GRIK2: variants seen among roughly 807,000 people sequenced by gnomAD.
GRIK2 encodes the protein glutamate receptor ionotropic, kainate 2.
A neutral mutation model predicts 100.3 loss-of-function variants in GRIK2; 32 were observed. The ratio of observed to expected loss-of-function variants is 0.32; its 90% CI spans 0.24 to 0.43. The LOEUF is 0.43. Among genes scored for constraint, GRIK2 ranks in the 20% least tolerant of loss-of-function variants. The pLI is 1.00. For missense variants in GRIK2, 843 were observed against 1,114.9 expected, an observed-to-expected ratio of 0.76 and a Z score of 3.47; for synonymous variants, 417 against 389.4, an observed-to-expected ratio of 1.07 and a Z score of -0.83.
chr6:101,799,277 T>TTG (rs58920833), intron 7 of GRIK2, among the ~76,000 whole-genome samples: 14,910 of 146,530 alleles, frequency 0.1, 1,253 homozygotes, highest in African/African-American at 0.24. Flanking sequence ...AATGTACTCA[T>TTG]TGTGTGTGTG....
chr6:101,501,654 G>A (rs1255353209), intron 2 of GRIK2, among the ~76,000 whole-genome samples: 4 of 152,162 alleles, frequency 2.6e-5, no homozygotes, highest in Admixed American at 6.5e-5. Context: ...TTGTTTTAAA[G>A]TAACAGGATC....
chr6:101,990,739 T>A (rs532819053), intron 14 of GRIK2, among the ~76,000 whole-genome samples: 9 of 151,676 alleles, frequency 5.9e-5, no homozygotes, highest in African/African-American at 2.2e-4. Context: ...ATCACTTTCT[T>A]ATGTCTAAGG....
intron 4 of GRIK2, among the ~76,000 whole-genome samples, chr6:101,667,104 G>A (rs1770087842): frequency 6.6e-6 from 1 of 152,144 alleles, no homozygotes; most frequent in Admixed American, 6.6e-5. Flanking sequence ...GCCACGGGCT[G>A]CCATGCCACT....
At chr6:101,964,900 G>A (rs1792561425) in intron 14 of GRIK2, among the ~76,000 whole-genome samples, 2 of 152,140 alleles carry the variant, frequency 1.3e-5, no homozygotes, top group African/African-American at 4.8e-5. Flanking sequence ...GAGAACATGT[G>A]GCAATTAGCA....
chr6:102,040,452 T>TA (rs927929925), intron 15 of GRIK2, among the ~76,000 whole-genome samples: 33 of 151,702 alleles, frequency 2.2e-4, no homozygotes, highest in African/African-American at 7.2e-4. Flanking sequence ...TAGCCTAAAG[T>TA]AAAAAATGTA....
intron 7 of GRIK2, among the ~76,000 whole-genome samples, chr6:101,776,634 C>T (rs1396589825): frequency 3.9e-5 from 6 of 152,112 alleles, no homozygotes; most frequent in African/African-American, 1.4e-4. Flanking sequence ...AATAGCAGTC[C>T]TTCATTTAAT....
At chr6:102,044,624 G>A (rs1222261519) in intron 15 of GRIK2, among the ~76,000 whole-genome samples, 1 of 151,918 alleles carries the variant, frequency 6.6e-6, no homozygotes, top group African/African-American at 2.4e-5. Flanking sequence ...TGATTCAATT[G>A]TCTCCCACTG....
chr6:101,548,194 G>A (rs1203915544), intron 2 of GRIK2, among the ~76,000 whole-genome samples: 1 of 151,940 alleles, frequency 6.6e-6, no homozygotes, highest in African/African-American at 2.4e-5. Context: ...AAATTTGTTT[G>A]AGTTCTTTGT....
At chr6:101,818,235 G>A in intron 9 of GRIK2, 135 bp from the exon 10 acceptor site, 1 of 589,944 alleles carries the variant, frequency 1.7e-6, no homozygotes, top group South Asian at 2.3e-5. Context: ...CTTTAAACAA[G>A]CTGCCTTTAC....
At chr6:101,663,049 G>A (rs768518661) in intron 4 of GRIK2, among the ~76,000 whole-genome samples, 2 of 152,052 alleles carry the variant, frequency 1.3e-5, no homozygotes, top group Non-Finnish European at 2.9e-5. Flanking sequence ...AAAGAGTTAC[G>A]TTCTACTTGG....
chr6:101,699,290 T>C (rs888965897), intron 7 of GRIK2, among the ~76,000 whole-genome samples: 2 of 152,130 alleles, frequency 1.3e-5, no homozygotes, highest in Admixed American at 1.3e-4. Flanking sequence ...CCTCACATCC[T>C]GTCTGGTCAC....
At chr6:101,682,157 C>G (rs573129687) in intron 5 of GRIK2, among the ~76,000 whole-genome samples, 3 of 152,264 alleles carry the variant, frequency 2.0e-5, no homozygotes, top group African/African-American at 7.2e-5. Flanking sequence ...TTTTGCAGCA[C>G]TTTTTTCCTA....
intron 11 of GRIK2, among the ~76,000 whole-genome samples, chr6:101,883,880 C>A (rs1786435324): frequency 6.6e-6 from 1 of 152,106 alleles, no homozygotes; most frequent in African/African-American, 2.4e-5. Flanking sequence ...CCATATCTTG[C>A]AATGCTTTGT....
At chr6:101,823,862 GT>G (rs11454516) in intron 10 of GRIK2, among the ~76,000 whole-genome samples, 73 of 130,380 alleles carry the variant, frequency 5.6e-4, no homozygotes, top group South Asian at 2.4e-3. Flanking sequence ...AGTAAGTTCT[GT>G]TTTTTTTTTT....
In GRIK2 at chr6:102,019,213, C is replaced by T. The variant is rs1769295348; in HGVS notation, c.2086-16128C>T. ...CTGCCATCTCAAAACTAGTCTTTAA[C>T]ATCTGGTTTGATACCTTCTTAACAT... is the stretch of plus-strand genomic sequence containing the variant. On this transcript the variant is annotated intron_variant, in intron 14 of 16. Coordinates refer to ENST00000369134, the MANE Select transcript of GRIK2 (RefSeq NM_021956.5). Among the ~76,000 whole-genome samples the T allele has an allele frequency of 2.6e-5, 4 of 152,006 alleles. No homozygotes were observed. The South Asian group carries it at 8.3e-4, about 31-fold the overall frequency.
chr6:101,474,586 A>G (rs919422529), intron 2 of GRIK2, among the ~76,000 whole-genome samples: 1 of 151,920 alleles, frequency 6.6e-6, no homozygotes, highest in African/African-American at 2.4e-5. Context: ...CAATAAAGGC[A>G]CTATTCCTGT....
chr6:101,766,986 C>A lies in GRIK2; in HGVS notation c.952-32662C>A, dbSNP rs1265581284. Among the ~76,000 whole-genome samples the A allele has an allele frequency of 2.0e-5, 3 of 152,086 alleles. No homozygotes were observed. The East Asian group carries it at 5.8e-4, about 29-fold the overall frequency. ...AGACTGATGTGGCTTTTAGGCAATT[C>A]TTTTTATGTAACCTAGCAATCTTGG... On this transcript the variant is annotated intron_variant, in intron 7 of 16. Coordinates refer to ENST00000369134, the MANE Select transcript of GRIK2 (RefSeq NM_021956.5).
chr6:101,502,116 A>G (rs1773783153), intron 2 of GRIK2, among the ~76,000 whole-genome samples: 1 of 152,292 alleles, frequency 6.6e-6, no homozygotes, highest in South Asian at 2.1e-4. Flanking sequence ...GAAATATTAC[A>G]CGCTTGTAAT....
Position 101,639,519 on chromosome 6 carries a change from G to A in GRIK2, c.541+12882G>A, listed in dbSNP as rs1781183876. On this transcript the variant is annotated intron_variant, in intron 4 of 16. Transcript: ENST00000369134. ...TTATTTCTCCTCTTTATAGTTCAGTGTAAGGACTTGTCCACATAAAAATTG... is the reference window on the plus strand; with the variant it reads ...TTATTTCTCCTCTTTATAGTTCAGTATAAGGACTTGTCCACATAAAAATTG... Among the ~76,000 whole-genome samples the A allele has an allele frequency of 1.3e-5, 2 of 152,222 alleles. 1 individual carries two copies. Among genetic ancestry groups the A allele is most frequent in the South Asian group, 4.1e-4 (2 of 4,830 alleles).
Sources: allele counts gnomAD v4.1 joint callset (sites outside exome capture counted in the v4.1 genomes callset), GRCh38; gene constraint gnomAD v4.1.1; transcripts MANE v1.5; gene names NCBI Gene and HGNC (gene_info 2026-07-23, HGNC 2026-07-21).